CYP4F22: variants seen among roughly 807,000 people sequenced by gnomAD.
CYP4F22 encodes the protein cytochrome P450 family 4 subfamily F member 22, also known as ultra-long-chain fatty acid omega-hydroxylase.
Under a neutral mutation model 60.4 loss-of-function variants are expected in CYP4F22, and 37 were observed. The observed-to-expected ratio is 0.61, with a 90% CI of 0.47 to 0.81. The LOEUF (loss-of-function observed/expected upper bound fraction) is 0.81, where lower values mean the gene tolerates loss of function less well. Among genes scored for constraint, CYP4F22 ranks in the 30% least tolerant of loss-of-function variants. The pLI, the probability that CYP4F22 is intolerant of heterozygous loss-of-function variation, is 0.00. For synonymous variants in CYP4F22, 258 were observed against 280.5 expected, an observed-to-expected ratio of 0.92 and a Z score of 0.80; for missense variants, 655 against 715.0, an observed-to-expected ratio of 0.92 and a Z score of 0.96.
chr19:15,514,395 T>C (rs889624843), intron 1 of CYP4F22, among the ~76,000 whole-genome samples: 3 of 152,174 alleles, frequency 2.0e-5, no homozygotes, highest in African/African-American at 7.2e-5. Flanking sequence ...AATGAAAATT[T>C]TATATAGTGT....
At chr19:15,548,291 G>T in intron 11 of CYP4F22, 50 bp downstream of exon 11, 1 of 1,611,658 alleles carries the variant, frequency 6.2e-7, no homozygotes, top group African/African-American at 1.3e-5. Context: ...CAATGATGTA[G>T]CTGCTCTATT....
At chr19:15,509,085 A>G (rs1971053740) in intron 1 of CYP4F22, among the ~76,000 whole-genome samples, 1 of 151,890 alleles carries the variant, frequency 6.6e-6, no homozygotes, top group Non-Finnish European at 1.5e-5. Context: ...GCTATCAGGA[A>G]CCCTCTGCCC....
At position 15,548,990 on chromosome 19, in the gene CYP4F22, C is replaced by A. The variant is rs569280663; in HGVS notation, c.1271-148C>A. 5.0e-4 allele frequency: 399 copies of A among 805,552 alleles called. 7 individuals are homozygous for A. The South Asian group carries it at 6.1e-3, about 12-fold the overall frequency. 49.9% of individuals were successfully genotyped at this position (805,552 alleles called of 1,614,324 possible). A position where few individuals can be genotyped will look rare whatever the true frequency, so the allele number is the denominator to read the frequency against. On this transcript the variant is annotated intron_variant, in intron 11 of 13. Transcript: ENST00000269703. ...GGAAAGGTGGGAAGAGTGGATGGGGCAGCAGAATTTTTTAGAGAAGGATGG... is the reference window on the plus strand; with the variant it reads ...GGAAAGGTGGGAAGAGTGGATGGGGAAGCAGAATTTTTTAGAGAAGGATGG...
At chr19:15,519,814 G>A (rs1406951476) in intron 1 of CYP4F22, among the ~76,000 whole-genome samples, 1 of 152,084 alleles carries the variant, frequency 6.6e-6, no homozygotes, top group Non-Finnish European at 1.5e-5. Flanking sequence ...GCACTTTTGG[G>A]CCTGCCAAGA....
Position 15,548,291 on chromosome 19 carries a change from G to C in CYP4F22, c.1270+50G>C, listed in dbSNP as rs746042340. ...CTGGTGCACTGCCTCCAATGATGTA[G>C]CTGCTCTATTGTCCACAGGGGCCTG... On this transcript the variant is annotated intron_variant, in intron 11 of 13. Coordinates refer to ENST00000269703, the MANE Select transcript of CYP4F22 (RefSeq NM_173483.4). The C allele has an allele frequency of 1.9e-6, 3 of 1,611,662 alleles. No homozygotes were observed. In the Admixed American group the frequency reaches 5.0e-5, roughly 27 times the overall value.
chr19:15,528,162 T>C (rs1368801674), intron 3 of CYP4F22, among the ~76,000 whole-genome samples: 1 of 151,950 alleles, frequency 6.6e-6, no homozygotes, highest in East Asian at 1.9e-4. Flanking sequence ...ACTCTGCAAG[T>C]GAAATAAAGG....
At chr19:15,534,539 A>G (rs1298195691) in intron 4 of CYP4F22, among the ~76,000 whole-genome samples, 1 of 151,718 alleles carries the variant, frequency 6.6e-6, no homozygotes, top group Non-Finnish European at 1.5e-5. Context: ...CTGGTCTTGA[A>G]CTTCTGGGCT....
chr19:15,510,006 G>A (rs1485203358), intron 1 of CYP4F22, among the ~76,000 whole-genome samples: 1 of 149,642 alleles, frequency 6.7e-6, no homozygotes, highest in Non-Finnish European at 1.5e-5. Context: ...TGTTGAGACA[G>A]GGTCTCACTT....
At chr19:15,529,929 A>T (rs1243580806) in intron 4 of CYP4F22, 76 bp downstream of exon 4, 2 of 1,597,862 alleles carry the variant, frequency 1.3e-6, no homozygotes, top group African/African-American at 2.7e-5. Flanking sequence ...GGCAGGTGGG[A>T]TATCCAGAGG....
chr19:15,537,798 C>T (rs201743364), intron 6 of CYP4F22, 74 bp from the exon 7 acceptor site: 468 of 1,610,780 alleles, frequency 2.9e-4, no homozygotes, highest in African/African-American at 6.5e-4. Flanking sequence ...GTAGTGAAAA[C>T]GCAGTCGGGT....
At chr19:15,549,341 T>C (rs1462431210) in intron 12 of CYP4F22, 139 bp downstream of exon 12, 26 of 804,430 alleles carry the variant, frequency 3.2e-5, no homozygotes, top group Middle Eastern at 2.3e-4. Flanking sequence ...ATTCACCCAC[T>C]GATTGTTAAT....
chr19:15,549,225 C>T (rs780926717), intron 12 of CYP4F22, 23 bp downstream of exon 12: 1 of 1,613,876 alleles, frequency 6.2e-7, no homozygotes, highest in South Asian at 1.1e-5. Flanking sequence ...CCCACTCCTC[C>T]CTGCCCTCAG....
rs1049506184 is a variant in CYP4F22 at position 15,551,900 on chromosome 19, C to A, written c.*429C>A. The A allele has an allele frequency of 3.8e-5, 7 of 181,902 alleles. No homozygotes were observed. Among genetic ancestry groups the A allele is most frequent in the African/African-American group, 7.1e-5 (3 of 41,982 alleles). The allele number at this position is 181,902 out of a possible 1,614,324, so 11.3% of individuals were successfully genotyped here. Reference sequence around the variant, plus strand: ...CAGGGCCCACCACACCCCACCCCCCCCCAACTGGCTGAACCCCTGGCAGGC... The same window carrying A: ...CAGGGCCCACCACACCCCACCCCCCACCAACTGGCTGAACCCCTGGCAGGC... On this transcript the variant is annotated 3_prime_UTR_variant, in exon 14 of 14. Coordinates refer to ENST00000269703, the MANE Select transcript of CYP4F22 (RefSeq NM_173483.4).
intron 3 of CYP4F22, among the ~76,000 whole-genome samples, chr19:15,527,165 T>A (rs1971292191): frequency 6.6e-6 from 1 of 152,078 alleles, no homozygotes; most frequent in African/African-American, 2.4e-5. Flanking sequence ...CCTCCTTGAG[T>A]TCCTACCTCC....
Position 15,544,177 on chromosome 19 carries a change from C to T in CYP4F22, c.1034C>T (p.Ser345Phe). 6.2e-7 allele frequency: 1 copy of T among 1,614,116 alleles called. No individual in the cohort carries two copies. Among genetic ancestry groups the T allele is most frequent in the Non-Finnish European group, 8.5e-7 (1 of 1,180,044 alleles). ...CACGACACAACATCCAGTGGGATCT[C>T]TTGGATGCTGTTCAATTTGGCAAAG... ...EGHDTTSSGI[S>F]WMLFNLAKYP... Residue 345 changes from serine to phenylalanine, a missense_variant, in exon 10 of 14, where the codon TCT becomes TTT. This residue lies in a region of CYP4F22 where 74 missense variants were observed against 118.4 expected (regional missense o/e 0.62). Transcript: ENST00000269703.
At chr19:15,519,364 G>A (rs575076530) in intron 1 of CYP4F22, among the ~76,000 whole-genome samples, 2 of 151,890 alleles carry the variant, frequency 1.3e-5, no homozygotes, top group Admixed American at 6.6e-5. Context: ...CCACGCTCAA[G>A]CGATTCTCCT....
At chr19:15,543,039 G>A (rs532947570) in intron 8 of CYP4F22, among the ~76,000 whole-genome samples, 15 of 152,252 alleles carry the variant, frequency 9.9e-5, no homozygotes, top group Middle Eastern at 3.4e-3. Flanking sequence ...CTTTATAATA[G>A]AATAATTTAT....
At chr19:15,539,445 T>G (rs1465300196) in intron 7 of CYP4F22, among the ~76,000 whole-genome samples, 1 of 152,240 alleles carries the variant, frequency 6.6e-6, no homozygotes, top group Non-Finnish European at 1.5e-5. Context: ...CACCCATCGA[T>G]GGACACTGTT....
At chr19:15,536,374 T>A (rs1383379472) in intron 4 of CYP4F22, among the ~76,000 whole-genome samples, 1 of 152,110 alleles carries the variant, frequency 6.6e-6, no homozygotes, top group African/African-American at 2.4e-5. Flanking sequence ...TGGTGTTAGT[T>A]CTGTGACGTC....
Sources: allele counts gnomAD v4.1 joint callset (sites outside exome capture counted in the v4.1 genomes callset), GRCh38; gene constraint gnomAD v4.1.1; regional missense constraint gnomAD v4.1.1; transcripts MANE v1.5; gene names NCBI Gene and HGNC (gene_info 2026-07-23, HGNC 2026-07-21).